CHST8: variants seen among roughly 807,000 people sequenced by gnomAD.
CHST8 encodes the protein carbohydrate sulfotransferase 8.
In CHST8, 10 loss-of-function variants were observed where a neutral mutation model predicts 15.0. The ratio of observed to expected loss-of-function variants is 0.67; its 90% CI spans 0.41 to 1.13. The LOEUF is 1.13. CHST8 is among the 50% of genes most tolerant of loss of function. The probability of loss-of-function intolerance (pLI) is 0.00; values close to 1 mark genes in which losing one functional copy is unlikely to be tolerated. For missense variants in CHST8, 634 were observed against 608.2 expected, an observed-to-expected ratio of 1.04 and a Z score of -0.45; for synonymous variants, 259 against 256.6, an observed-to-expected ratio of 1.01 and a Z score of -0.09.
intron 3 of CHST8, among the ~76,000 whole-genome samples, chr19:33,721,316 T>C (rs1223252744): frequency 6.6e-6 from 1 of 152,162 alleles, no homozygotes; most frequent in African/African-American, 2.4e-5. Flanking sequence ...TTCTGTCCTC[T>C]GAGATCGGGC....
chr19:33,743,077 G>A (rs1248740188), intron 3 of CHST8, among the ~76,000 whole-genome samples: 1 of 150,598 alleles, frequency 6.6e-6, no homozygotes, highest in East Asian at 1.9e-4. Flanking sequence ...GTGGCCCTCT[G>A]TTCATTGAAG....
intron 2 of CHST8, among the ~76,000 whole-genome samples, chr19:33,679,132 G>C (rs1972851232): frequency 6.6e-6 from 1 of 152,190 alleles, no homozygotes; most frequent in Non-Finnish European, 1.5e-5. Context: ...ACCCTGCCAG[G>C]GGCCAGGGCA....
chr19:33,724,379 C>T (rs1209250986), intron 3 of CHST8, among the ~76,000 whole-genome samples: 1 of 152,208 alleles, frequency 6.6e-6, no homozygotes, highest in African/African-American at 2.4e-5. Flanking sequence ...GGGGCCTCAC[C>T]TTCCCCAGTG....
In CHST8 at chr19:33,768,644, G is replaced by A. The variant is rs545551668; in HGVS notation, c.131-2769G>A. On this transcript the variant is annotated intron_variant, in intron 3 of 4. Coordinates refer to ENST00000650847, the MANE Select transcript of CHST8 (RefSeq NM_001127895.2). ...TTTTTTTGTATTTTTAGTAGAGATC[G>A]GGTTTCACTATATTGGCCAGGCTAG... Among the ~76,000 whole-genome samples the A allele has an allele frequency of 1.2e-4, 18 of 152,068 alleles. No individual in the cohort carries two copies. In the East Asian group the frequency reaches 1.4e-3, roughly 11 times the overall value.
intron 3 of CHST8, among the ~76,000 whole-genome samples, chr19:33,717,076 C>T (rs1244601320): frequency 2.0e-5 from 3 of 152,094 alleles, no homozygotes; most frequent in Admixed American, 6.5e-5. Context: ...CCAGTGGGGC[C>T]TCAACCCCAG....
intron 3 of CHST8, among the ~76,000 whole-genome samples, chr19:33,767,860 G>T (rs896065210): frequency 6.6e-6 from 1 of 152,154 alleles, no homozygotes; most frequent in African/African-American, 2.4e-5. Context: ...GAGTTGCTCT[G>T]CAAGGCCACT....
chr19:33,644,500 C>T (rs907776203), intron 1 of CHST8, among the ~76,000 whole-genome samples: 8 of 151,946 alleles, frequency 5.3e-5, no homozygotes, highest in South Asian at 2.1e-4. Context: ...TTTGGGAAGC[C>T]GAAGCGGGAG....
chr19:33,729,137 C>T (rs991500070), intron 3 of CHST8, among the ~76,000 whole-genome samples: 3 of 152,206 alleles, frequency 2.0e-5, no homozygotes, highest in Non-Finnish European at 4.4e-5. Context: ...CTCCAGGCCT[C>T]AGTTTCCGGT....
At chr19:33,669,592 C>A (rs901671082) in intron 2 of CHST8, among the ~76,000 whole-genome samples, 1 of 152,176 alleles carries the variant, frequency 6.6e-6, no homozygotes, top group South Asian at 2.1e-4. Flanking sequence ...CGCCTGCCAC[C>A]CATCTGTGCA....
At chr19:33,748,850 G>A (rs1429364677) in intron 3 of CHST8, among the ~76,000 whole-genome samples, 2 of 152,212 alleles carry the variant, frequency 1.3e-5, no homozygotes, top group Admixed American at 6.5e-5. Flanking sequence ...TGAGGAAGGA[G>A]AGGCCACACC....
intron 1 of CHST8, among the ~76,000 whole-genome samples, chr19:33,627,652 T>A (rs1196512929): frequency 1.3e-5 from 2 of 152,208 alleles, no homozygotes; most frequent in Admixed American, 1.3e-4. Context: ...ATGACCAGTG[T>A]TGGCCCTGAT....
chr19:33,733,037 A>G (rs1210876075), intron 3 of CHST8, among the ~76,000 whole-genome samples: 1 of 151,864 alleles, frequency 6.6e-6, no homozygotes, highest in Admixed American at 6.6e-5. Flanking sequence ...GCATGACAGA[A>G]CTCAATCTCC....
At chr19:33,671,075 C>T (rs985923024) in intron 2 of CHST8, among the ~76,000 whole-genome samples, 7 of 152,126 alleles carry the variant, frequency 4.6e-5, no homozygotes, top group African/African-American at 1.2e-4. Flanking sequence ...TCACATATAA[C>T]GAGCAGCTAA....
chr19:33,658,930 T>C (rs73589012), intron 1 of CHST8, among the ~76,000 whole-genome samples: 4,602 of 151,150 alleles, frequency 0.03, 208 homozygotes, highest in African/African-American at 0.099. Context: ...TTATTTTTAA[T>C]AGTTTGTTTG....
At chr19:33,633,029 C>T (rs951232833) in intron 1 of CHST8, among the ~76,000 whole-genome samples, 15 of 151,968 alleles carry the variant, frequency 9.9e-5, no homozygotes, top group African/African-American at 3.1e-4. Context: ...CGGGGTTTCA[C>T]CATGTTGGCC....
chr19:33,714,512 GC>G (rs1172095834), intron 3 of CHST8, among the ~76,000 whole-genome samples: 1 of 151,966 alleles, frequency 6.6e-6, no homozygotes, highest in African/African-American at 2.4e-5. Flanking sequence ...GATAAGAGGG[GC>G]ACGGGGGAGG....
chr19:33,696,445 C>A (rs984429913), intron 3 of CHST8, among the ~76,000 whole-genome samples: 1 of 152,028 alleles, frequency 6.6e-6, no homozygotes, highest in African/African-American at 2.4e-5. Flanking sequence ...AGAGCTCGAA[C>A]CCTCTTGTGA....
intron 3 of CHST8, among the ~76,000 whole-genome samples, chr19:33,691,065 CT>C (rs1973092455): frequency 1.3e-5 from 2 of 152,214 alleles, no homozygotes; most frequent in Admixed American, 6.5e-5. Context: ...CGGTGGGACA[CT>C]CCTGGATGGG....
At chr19:33,725,980 G>A (rs987227059) in intron 3 of CHST8, among the ~76,000 whole-genome samples, 1 of 152,250 alleles carries the variant, frequency 6.6e-6, no homozygotes, top group African/African-American at 2.4e-5. Context: ...TTGGCCCAGA[G>A]AGAAGCTTTC....
Sources: gnomAD v4.1 joint callset for allele counts (sites outside exome capture counted in the v4.1 genomes callset) on GRCh38, gnomAD v4.1.1 for gene constraint, MANE v1.5 for transcripts, NCBI Gene and HGNC (gene_info 2026-07-23, HGNC 2026-07-21) for gene names.